Variants in NAA11 observed in about 807,000 individuals in gnomAD.
The protein encoded by NAA11 is N-alpha-acetyltransferase 11, NatA catalytic subunit.
NAA11 carries 15 observed loss-of-function variants against 16.1 expected under a neutral mutation model. The ratio of observed to expected loss-of-function variants is 0.93; its 90% CI spans 0.62 to 1.44. The LOEUF is 1.44. NAA11 is among the 40% of genes most tolerant of loss of function. NAA11 has a pLI of 0.00. For synonymous variants in NAA11, 122 were observed against 112.4 expected, an observed-to-expected ratio of 1.09 and a Z score of -0.54; for missense variants, 298 against 291.3, an observed-to-expected ratio of 1.02 and a Z score of -0.17.
intron 2 of NAA11, among the ~76,000 whole-genome samples, chr4:79,249,875 A>T (rs1721953997): frequency 6.6e-6 from 1 of 152,260 alleles, no homozygotes; most frequent in Non-Finnish European, 1.5e-5. Context: ...AAGCAGCTAC[A>T]GTCTGCAGCT....
chr4:79,185,230 AT>A, the NAA11 span, among the ~76,000 whole-genome samples: 1 of 152,030 alleles, frequency 6.6e-6, no homozygotes, highest in Non-Finnish European at 1.5e-5. Flanking sequence ...CATCAGTTCT[AT>A]TTTTTCTCAC....
chr4:79,252,161 G>A (rs1389223011), intron 2 of NAA11, among the ~76,000 whole-genome samples: 2 of 152,150 alleles, frequency 1.3e-5, no homozygotes, highest in Admixed American at 6.5e-5. Flanking sequence ...AGAGTGCAAT[G>A]ATAGACAATT....
chr4:79,196,969 A>AAG, the NAA11 span, among the ~76,000 whole-genome samples: 1 of 146,590 alleles, frequency 6.8e-6, no homozygotes, highest in Non-Finnish European at 1.5e-5. Flanking sequence ...AAAAAAAAAA[A>AAG]AAAAAAAAAA....
chr4:79,229,884 A>G lies in NAA11; in HGVS notation c.*123-3614T>C, dbSNP rs376254571. ...CCCACTTGCTCTTAACCATTATACTATTCTGCCAATGGAAAGTCTAACTGT... is the reference window on the plus strand; with the variant it reads ...CCCACTTGCTCTTAACCATTATACTGTTCTGCCAATGGAAAGTCTAACTGT... On this transcript the variant is annotated intron_variant and NMD_transcript_variant, in intron 2 of 2. Transcript: ENST00000511542. 1.2e-4 allele frequency among the ~76,000 whole-genome samples: 19 copies of G among 152,082 alleles called. No homozygotes were observed. The East Asian group carries it at 1.4e-3, about 11-fold the overall frequency.
chr4:79,283,674 G>A lies in NAA11; in HGVS notation c.*122+10331C>T, dbSNP rs17003704. Among the ~76,000 whole-genome samples the A allele has an allele frequency of 6.0e-3, 906 of 152,198 alleles. 8 individuals carry two copies. The highest frequency in any genetic ancestry group is 0.021 in the African/African-American group (862 of 41,530). ...CTTCAAACATATAGAGAAGCAGAGGGCTTAGAAGAGCTGTATAGTCACTGT... is the reference window on the plus strand; with the variant it reads ...CTTCAAACATATAGAGAAGCAGAGGACTTAGAAGAGCTGTATAGTCACTGT... On this transcript the variant is annotated intron_variant and NMD_transcript_variant, in intron 2 of 2. Transcript: ENST00000511542.
chr4:79,206,925 A>G, the NAA11 span, among the ~76,000 whole-genome samples: 1 of 152,122 alleles, frequency 6.6e-6, no homozygotes, highest in Non-Finnish European at 1.5e-5. Flanking sequence ...AGAATTTCAA[A>G]CAGCTATATT....
chr4:79,227,181 G>A (rs1165384033), intron 2 of NAA11: 2 of 152,092 alleles, frequency 1.3e-5, no homozygotes, highest in Non-Finnish European at 2.9e-5. Context: ...GATGGCCAGT[G>A]ATGACAAGCA....
chr4:79,252,800 A>C (rs1722025295), intron 2 of NAA11, among the ~76,000 whole-genome samples: 2 of 152,220 alleles, frequency 1.3e-5, no homozygotes, highest in South Asian at 4.1e-4. Context: ...TGCACATATC[A>C]CACAGGTCCC....
the NAA11 span, among the ~76,000 whole-genome samples, chr4:79,162,235 T>C: frequency 6.6e-6 from 1 of 152,198 alleles, no homozygotes; most frequent in Non-Finnish European, 1.5e-5. Flanking sequence ...AATATTCCCA[T>C]GTATTTCCAA....
At chr4:79,269,836 G>A (rs1722448348) in intron 2 of NAA11, among the ~76,000 whole-genome samples, 1 of 147,452 alleles carries the variant, frequency 6.8e-6, no homozygotes, top group South Asian at 2.2e-4. Context: ...ATGGTTTTAG[G>A]TCTAACGTTT....
chr4:79,232,072 T>C (rs1406302772), intron 2 of NAA11, among the ~76,000 whole-genome samples: 1 of 151,990 alleles, frequency 6.6e-6, no homozygotes, highest in East Asian at 1.9e-4. Context: ...TTTGGATAAA[T>C]GTTTTTGAAG....
downstream of NAA11, among the ~76,000 whole-genome samples, chr4:79,222,208 G>C (rs1371665758): frequency 6.6e-6 from 1 of 152,142 alleles, no homozygotes; most frequent in Non-Finnish European, 1.5e-5. Flanking sequence ...ATTTCTGTGG[G>C]ATCGGTGGTG....
chr4:79,307,062 A>C (rs1420035780), intron 1 of NAA11: 1 of 152,244 alleles, frequency 6.6e-6, no homozygotes, highest in East Asian at 1.9e-4. Flanking sequence ...CCTTCCATGC[A>C]GATAAATCCC....
At chr4:79,233,031 A>G (rs1420506357) in intron 2 of NAA11, among the ~76,000 whole-genome samples, 1 of 152,014 alleles carries the variant, frequency 6.6e-6, no homozygotes, top group African/African-American at 2.4e-5. Context: ...GAGAAAATAT[A>G]TAATAAGTAC....
chr4:79,159,790 G>T, the NAA11 span, among the ~76,000 whole-genome samples: 1 of 151,922 alleles, frequency 6.6e-6, no homozygotes, highest in African/African-American at 2.4e-5. Flanking sequence ...TTATATAAAT[G>T]GAAATATATA....
the NAA11 span, among the ~76,000 whole-genome samples, chr4:79,192,676 C>T: frequency 0.016 from 2,504 of 151,842 alleles, 40 homozygotes; most frequent in African/African-American, 0.041. Flanking sequence ...TGAATAGTGC[C>T]GCAATAAACA....
At chr4:79,243,258 G>A (rs761882143) in intron 2 of NAA11, among the ~76,000 whole-genome samples, 6 of 152,086 alleles carry the variant, frequency 3.9e-5, no homozygotes, top group South Asian at 2.1e-4. Context: ...CCAACTGGAC[G>A]GTTATTTGTA....
the NAA11 span, among the ~76,000 whole-genome samples, chr4:79,155,912 A>G: frequency 6.6e-6 from 1 of 152,172 alleles, no homozygotes; most frequent in Non-Finnish European, 1.5e-5. Context: ...TTCTGATCAC[A>G]TCGACTTTTA....
intron 2 of NAA11, among the ~76,000 whole-genome samples, chr4:79,226,545 A>C (rs770001859): frequency 1.3e-5 from 2 of 151,244 alleles, no homozygotes; most frequent in African/African-American, 4.8e-5. Context: ...TGTCATTTAC[A>C]TTAGGTATAT....
Sources: allele counts gnomAD v4.1 joint callset (sites outside exome capture counted in the v4.1 genomes callset), GRCh38; gene constraint gnomAD v4.1.1; transcripts MANE v1.5; gene names NCBI Gene and HGNC (gene_info 2026-07-23, HGNC 2026-07-21).